KHDRBS3: variants seen among roughly 807,000 people sequenced by gnomAD.
KHDRBS3 encodes the protein KH domain-containing, RNA-binding, signal transduction-associated protein 3.
A neutral mutation model predicts 45.6 loss-of-function variants in KHDRBS3; 23 were observed. The observed-to-expected ratio is 0.50, with a 90% CI of 0.36 to 0.72. The LOEUF (loss-of-function observed/expected upper bound fraction) is 0.72. Among genes scored for constraint, KHDRBS3 ranks in the 30% least tolerant of loss-of-function variants. The pLI, the probability that KHDRBS3 is intolerant of heterozygous loss-of-function variation, is 0.00. For missense variants in KHDRBS3, 352 were observed against 424.8 expected (o/e 0.83, Z 1.51); for synonymous variants, 162 against 156.5 (o/e 1.04, Z -0.26).
intron 7 of KHDRBS3, among the ~76,000 whole-genome samples, chr8:135,612,422 A>G (rs926295188): frequency 6.6e-6 from 1 of 151,884 alleles, no homozygotes; most frequent in Non-Finnish European, 1.5e-5. Flanking sequence ...TAGTGAAATT[A>G]AGAAATTTGT....
intron 2 of KHDRBS3, among the ~76,000 whole-genome samples, chr8:135,536,262 T>TTTTTTTTTTTTTTTA (rs1491256544): frequency 4.1e-5 from 4 of 98,760 alleles, no homozygotes; most frequent in Admixed American, 1.2e-4. Context: ...TTTTTTTTTT[T>TTTTTTTTTTTTTTTA]ATTATTGTTT....
intron 1 of KHDRBS3, among the ~76,000 whole-genome samples, chr8:135,511,785 C>T (rs1824300339): frequency 6.6e-6 from 1 of 152,154 alleles, no homozygotes; most frequent in South Asian, 2.1e-4. Flanking sequence ...GTCTTGATCT[C>T]CTGACCTCGT....
In KHDRBS3 at chr8:135,528,390, A is replaced by T. The variant is rs188471525; in HGVS notation, c.207+7035A>T. Among the ~76,000 whole-genome samples the T allele has an allele frequency of 2.6e-3, 391 of 152,296 alleles. 2 individuals carry two copies. Among genetic ancestry groups the T allele is most frequent in the African/African-American group, 8.7e-3 (363 of 41,570 alleles). Reference sequence around the variant, plus strand: ...TACTTGGTAGAAGCCTATTCCATGGAAATCATCGTGGATTTACAGATTTCC... The same window carrying T: ...TACTTGGTAGAAGCCTATTCCATGGTAATCATCGTGGATTTACAGATTTCC... On this transcript the variant is annotated intron_variant, in intron 2 of 8. Transcript: ENST00000355849.
intron 7 of KHDRBS3, among the ~76,000 whole-genome samples, chr8:135,629,517 C>T (rs1044340212): frequency 3.3e-5 from 5 of 152,178 alleles, no homozygotes; most frequent in African/African-American, 7.2e-5. Context: ...ACTGCCTGCC[C>T]GAGCTTACCC....
intron 7 of KHDRBS3, among the ~76,000 whole-genome samples, chr8:135,636,494 A>G (rs1024194053): frequency 6.6e-6 from 1 of 152,196 alleles, no homozygotes; most frequent in African/African-American, 2.4e-5. Context: ...TCTTAGTGTT[A>G]TTCTGAAAAC....
At chr8:135,490,968 C>T (rs886819938) in intron 1 of KHDRBS3, among the ~76,000 whole-genome samples, 12 of 152,158 alleles carry the variant, frequency 7.9e-5, no homozygotes, top group African/African-American at 2.7e-4. Context: ...CATTACTTGT[C>T]AGAGATATGG....
intron 5 of KHDRBS3, among the ~76,000 whole-genome samples, chr8:135,573,544 G>C (rs145230929): frequency 1.2e-4 from 18 of 152,268 alleles, no homozygotes; most frequent in Admixed American, 5.9e-4. Context: ...TCTGCCATAG[G>C]ATTTATTAAC....
At chr8:135,494,331 T>G (rs1309969595) in intron 1 of KHDRBS3, among the ~76,000 whole-genome samples, 2 of 134,648 alleles carry the variant, frequency 1.5e-5, no homozygotes, top group Non-Finnish European at 3.1e-5. Context: ...CAGGCTGGAG[T>G]GCAGTGGCGT....
chr8:135,459,357 T>C (rs994968933), intron 1 of KHDRBS3, among the ~76,000 whole-genome samples: 3 of 152,256 alleles, frequency 2.0e-5, no homozygotes, highest in Admixed American at 1.3e-4. Flanking sequence ...CCTCATTTTA[T>C]TTTAATTGCA....
chr8:135,575,518 A>G (rs1827910718), intron 5 of KHDRBS3, among the ~76,000 whole-genome samples: 2 of 152,258 alleles, frequency 1.3e-5, no homozygotes, highest in African/African-American at 4.8e-5. Flanking sequence ...AAAAGAGTGA[A>G]AGGGAAAAGA....
At chr8:135,520,493 A>G (rs1357284992) in intron 1 of KHDRBS3, among the ~76,000 whole-genome samples, 2 of 152,192 alleles carry the variant, frequency 1.3e-5, no homozygotes, top group African/African-American at 4.8e-5. Flanking sequence ...TTTATGTTCC[A>G]GAGGGAGAGG....
intron 4 of KHDRBS3, among the ~76,000 whole-genome samples, chr8:135,654,138 G>C (rs558412841): frequency 1.3e-4 from 20 of 152,028 alleles, no homozygotes; most frequent in Non-Finnish European, 2.5e-4. Context: ...GTTTCACTTT[G>C]AAGTATGTCT....
At chr8:135,620,959 G>A (rs1830113354) in intron 7 of KHDRBS3, among the ~76,000 whole-genome samples, 1 of 152,164 alleles carries the variant, frequency 6.6e-6, no homozygotes, top group African/African-American at 2.4e-5. Context: ...GATCAGAAAG[G>A]TGATCTATGT....
chr8:135,581,852 T>G, intron 5 of KHDRBS3, 26 bp from the exon 6 acceptor site: 1 of 1,516,070 alleles, frequency 6.6e-7, no homozygotes. Context: ...TGATAGATAC[T>G]GCTAATTTGA....
At chr8:135,561,592 C>G (rs1827169889) in intron 5 of KHDRBS3, among the ~76,000 whole-genome samples, 1 of 149,882 alleles carries the variant, frequency 6.7e-6, no homozygotes, top group African/African-American at 2.5e-5. Flanking sequence ...AATTTTCATT[C>G]TAGCACTTTT....
In KHDRBS3 at chr8:135,581,969, G is replaced by A. The variant is rs1289873665; in HGVS notation, c.703G>A (p.Val235Met). The part of the protein sequence containing the change: ...PRGVLSTRGP[V>M]SRGRGLLTPR... ...AGGAGTCCTGTCCACCCGAGGGCCA[G>A]TGAGTCGGGGAAGAGGACTTCTCAC... The change falls in exon 6 of 9, where the codon GTG becomes ATG. Residue 235 changes from valine to methionine, a missense_variant. Around this residue, in one of 6 missense-constraint regions of KHDRBS3, gnomAD observed 212 missense variants for 209.6 expected, o/e 1.01. Transcript: ENST00000355849. 6.2e-7 allele frequency: 1 copy of A among 1,613,528 alleles called. No homozygotes were observed. The highest frequency in any genetic ancestry group is 2.2e-5 in the East Asian group (1 of 44,844).
chr8:135,589,726 C>T (rs1828655200), intron 6 of KHDRBS3, among the ~76,000 whole-genome samples: 1 of 152,174 alleles, frequency 6.6e-6, no homozygotes, highest in African/African-American at 2.4e-5. Flanking sequence ...AGGGAATGAA[C>T]TATGTCTTTG....
At chr8:135,473,849 T>C (rs1822135914) in intron 1 of KHDRBS3, among the ~76,000 whole-genome samples, 1 of 152,164 alleles carries the variant, frequency 6.6e-6, no homozygotes, top group South Asian at 2.1e-4. Context: ...GCCTCTTGCT[T>C]ACTGAAGGAA....
intron 7 of KHDRBS3, among the ~76,000 whole-genome samples, chr8:135,644,557 T>C (rs1245911883): frequency 1.3e-5 from 2 of 152,230 alleles, no homozygotes; most frequent in Non-Finnish European, 2.9e-5. Context: ...AGCACCGGGT[T>C]CTCTGGTAGA....
Sources: allele counts gnomAD v4.1 joint callset (sites outside exome capture counted in the v4.1 genomes callset), GRCh38; gene constraint gnomAD v4.1.1; regional missense constraint gnomAD v4.1.1; transcripts MANE v1.5; gene names NCBI Gene and HGNC (gene_info 2026-07-23, HGNC 2026-07-21).